The following C12orf42 variants were observed in gnomAD, a reference collection of about 807,000 sequenced individuals.
C12orf42 encodes chromosome 12 open reading frame 42.
In C12orf42, 25 loss-of-function variants were observed where a neutral mutation model predicts 21.6. That is an observed-to-expected ratio of 1.16 (90% CI 0.84 to 1.62). C12orf42 has a LOEUF of 1.62. Ranked by LOEUF, C12orf42 falls within the 40% of genes most tolerant of loss-of-function variation. C12orf42 has a pLI of 0.00. For synonymous variants in C12orf42, 174 were observed against 175.0 expected (o/e 0.99, Z 0.05); for missense variants, 483 against 459.3 (o/e 1.05, Z -0.47).
At chr12:103,059,221 AT>A in the C12orf42 span, among the ~76,000 whole-genome samples, 2 of 152,286 alleles carry the variant, frequency 1.3e-5, no homozygotes, top group South Asian at 2.1e-4. Flanking sequence ...AACTAGAAAA[AT>A]TTAGAAGAAT....
the C12orf42 span, among the ~76,000 whole-genome samples, chr12:103,141,239 A>G: frequency 6.6e-6 from 1 of 152,230 alleles, no homozygotes; most frequent in African/African-American, 2.4e-5. Flanking sequence ...AAGAATTAGA[A>G]AAGAAAAGAG....
intron 2 of C12orf42, among the ~76,000 whole-genome samples, chr12:103,412,840 C>T (rs1400924565): frequency 6.6e-6 from 1 of 152,054 alleles, no homozygotes; most frequent in Non-Finnish European, 1.5e-5. Flanking sequence ...ATTTAAGTTC[C>T]ATATAGATTC....
the C12orf42 span, among the ~76,000 whole-genome samples, chr12:103,507,352 T>C: frequency 7.7e-6 from 1 of 130,590 alleles, no homozygotes; most frequent in Non-Finnish European, 1.6e-5. Context: ...TATGTACCAA[T>C]AGGGATTGGG....
At position 103,469,343 on chromosome 12, in the gene C12orf42, C is replaced by G. The variant is rs1180733212; in HGVS notation, c.78+9006G>C. 2.6e-5 allele frequency among the ~76,000 whole-genome samples: 4 copies of G among 152,252 alleles called. No individual in the cohort carries two copies. The East Asian group carries it at 7.7e-4, about 29-fold the overall frequency. On this transcript the variant is annotated intron_variant, in intron 2 of 5. Transcript: ENST00000548883. ...CTTTTCTGATTATAAAAATAATACACATTCATTATAGATTTTTGAAAAACA... is the reference window on the plus strand; with the variant it reads ...CTTTTCTGATTATAAAAATAATACAGATTCATTATAGATTTTTGAAAAACA...
At chr12:103,108,987 T>C in the C12orf42 span, among the ~76,000 whole-genome samples, 1 of 152,182 alleles carries the variant, frequency 6.6e-6, no homozygotes, top group African/African-American at 2.4e-5. Flanking sequence ...TATGTCCTTG[T>C]AGGAAGACTT....
the C12orf42 span, among the ~76,000 whole-genome samples, chr12:103,185,886 C>A: frequency 1.3e-5 from 2 of 152,152 alleles, no homozygotes; most frequent in African/African-American, 4.8e-5. Context: ...TTTCCAGTTT[C>A]GGGTATGTCT....
intron 10 of C12orf42, among the ~76,000 whole-genome samples, chr12:103,261,476 C>CAA (rs200549825): frequency 2.9e-3 from 228 of 78,774 alleles, no homozygotes; most frequent in African/African-American, 8.3e-3. Context: ...GAGACTCTTT[C>CAA]AAAAAAAAAA....
At chr12:103,520,062 G>T in the C12orf42 span, among the ~76,000 whole-genome samples, 1 of 152,200 alleles carries the variant, frequency 6.6e-6, no homozygotes, top group African/African-American at 2.4e-5. Context: ...TGACAAAGAA[G>T]TCCCACTTGA....
chr12:103,275,689 C>T (rs2035723159), intron 5 of C12orf42, among the ~76,000 whole-genome samples: 1 of 149,292 alleles, frequency 6.7e-6, no homozygotes, highest in Admixed American at 6.7e-5. Flanking sequence ...AAATACAATA[C>T]TATCTTGCAG....
intron 2 of C12orf42, among the ~76,000 whole-genome samples, chr12:103,458,333 A>G (rs1952453410): frequency 6.6e-6 from 1 of 152,118 alleles, no homozygotes; most frequent in Non-Finnish European, 1.5e-5. Context: ...TGTAGAAAAA[A>G]AAAAATAGTA....
intron 4 of C12orf42, chr12:103,277,321 A>G (rs2035829718): frequency 3.7e-6 from 1 of 273,624 alleles, no homozygotes; most frequent in South Asian, 3.6e-5. Flanking sequence ...TTTAATGAAA[A>G]GTAACTATAT....
intron 3 of C12orf42, among the ~76,000 whole-genome samples, chr12:103,374,652 C>G (rs1020103519): frequency 6.6e-6 from 1 of 152,062 alleles, no homozygotes; most frequent in African/African-American, 2.4e-5. Context: ...CGCCAACACA[C>G]AAAATAACCA....
intron 4 of C12orf42, among the ~76,000 whole-genome samples, chr12:103,278,199 G>C (rs549333572): frequency 3.3e-5 from 5 of 152,156 alleles, no homozygotes; most frequent in Non-Finnish European, 7.4e-5. Flanking sequence ...AGCAACAATG[G>C]GGGGGCTATG....
At chr12:103,337,491 C>G (rs902889338) in intron 4 of C12orf42, among the ~76,000 whole-genome samples, 1 of 152,180 alleles carries the variant, frequency 6.6e-6, no homozygotes, top group Non-Finnish European at 1.5e-5. Flanking sequence ...GCTAGGACTA[C>G]AGGCGCACGC....
At chr12:103,469,323 C>A (rs1463004886) in intron 2 of C12orf42, among the ~76,000 whole-genome samples, 4 of 152,138 alleles carry the variant, frequency 2.6e-5, no homozygotes, top group Admixed American at 1.3e-4. Context: ...ATTTTCTTTT[C>A]TGATTATAAA....
chr12:103,144,645 T>C, the C12orf42 span, among the ~76,000 whole-genome samples: 2 of 152,134 alleles, frequency 1.3e-5, no homozygotes, highest in Non-Finnish European at 2.9e-5. Flanking sequence ...TCCTTGTAAA[T>C]GATGCTAAAA....
At chr12:103,434,311 G>A (rs1342697531) in intron 2 of C12orf42, among the ~76,000 whole-genome samples, 3 of 152,162 alleles carry the variant, frequency 2.0e-5, no homozygotes, top group African/African-American at 4.8e-5. Flanking sequence ...TCACATGCCT[G>A]CCCTTGATGA....
At chr12:103,350,043 A>C (rs1190046174) in intron 4 of C12orf42, among the ~76,000 whole-genome samples, 1 of 152,142 alleles carries the variant, frequency 6.6e-6, no homozygotes, top group Non-Finnish European at 1.5e-5. Flanking sequence ...AAAATGACCA[A>C]ATTTAGGAAG....
chr12:103,396,098 G>C lies in C12orf42; in HGVS notation c.147+5509C>G, dbSNP rs575459821. ...TAACTTTTGTTATATTATATAAATA[G>C]TTATAACATAATAGTTGATATGGTT... On this transcript the variant is annotated intron_variant, in intron 3 of 5. Coordinates refer to ENST00000548883, the MANE Select transcript of C12orf42 (RefSeq NM_198521.5). 2.0e-5 allele frequency among the ~76,000 whole-genome samples: 3 copies of C among 150,886 alleles called. No homozygotes were observed. The South Asian group carries it at 6.3e-4, about 32-fold the overall frequency.
Sources: gnomAD v4.1 joint callset for allele counts (sites outside exome capture counted in the v4.1 genomes callset) on GRCh38, gnomAD v4.1.1 for gene constraint, MANE v1.5 for transcripts, NCBI Gene and HGNC (gene_info 2026-07-23, HGNC 2026-07-21) for gene names.